RPF2: variants seen among roughly 807,000 people sequenced by gnomAD.
The protein encoded by RPF2 is ribosome production factor 2 homolog, also known as brix domain containing 1.
In RPF2, 21 loss-of-function variants were observed where a neutral mutation model predicts 38.9. The ratio of observed to expected loss-of-function variants is 0.54; its 90% CI spans 0.38 to 0.78. RPF2 has a LOEUF of 0.78. Among genes scored for constraint, RPF2 ranks in the 30% least tolerant of loss-of-function variants. RPF2 has a pLI of 0.00. For missense variants in RPF2, 314 were observed against 358.1 expected, an observed-to-expected ratio of 0.88 and a Z score of 0.99; for synonymous variants, 121 against 126.2, an observed-to-expected ratio of 0.96 and a Z score of 0.28.
chr6:111,018,896 A>G (rs1562376180), intron 8 of RPF2, among the ~76,000 whole-genome samples: 1 of 152,190 alleles, frequency 6.6e-6, no homozygotes, highest in African/African-American at 2.4e-5. Flanking sequence ...AGAACAAGAA[A>G]TAAAAGATGA....
intron 7 of RPF2, among the ~76,000 whole-genome samples, chr6:111,014,216 A>C (rs965554295): frequency 2.0e-5 from 3 of 151,024 alleles, no homozygotes; most frequent in Non-Finnish European, 4.4e-5. Flanking sequence ...GGCTCACTGC[A>C]ATCTCCGCCT....
At chr6:111,023,180 T>A (rs911025360) in intron 8 of RPF2, among the ~76,000 whole-genome samples, 1 of 152,266 alleles carries the variant, frequency 6.6e-6, no homozygotes, top group Non-Finnish European at 1.5e-5. Flanking sequence ...ACTACAGGCG[T>A]GAGCCACCAC....
intron 3 of RPF2, among the ~76,000 whole-genome samples, 178 bp downstream of exon 3, chr6:110,989,243 T>A (rs184334749): frequency 4.6e-5 from 7 of 152,312 alleles, no homozygotes; most frequent in African/African-American, 1.7e-4. Flanking sequence ...TGAATGTCCT[T>A]GCATAGTTGT....
chr6:110,984,016 G>A lies in RPF2; in HGVS notation c.24-990G>A, dbSNP rs528999223. The stretch of plus-strand genomic sequence containing the variant: ...TGCACTCCAGCCTGGGCGACAGAGC[G>A]AGACTCTGTCTCAAAAAAATAAATA... On this transcript the variant is annotated intron_variant, in intron 1 of 9. Transcript: ENST00000441448. 3.3e-5 allele frequency among the ~76,000 whole-genome samples: 5 copies of A among 152,186 alleles called. No homozygotes were observed. The South Asian group carries it at 8.3e-4, about 25-fold the overall frequency.
chr6:111,016,687 CTTTT>C (rs34370879), intron 8 of RPF2, among the ~76,000 whole-genome samples: 4 of 95,382 alleles, frequency 4.2e-5, no homozygotes, highest in South Asian at 6.7e-4. Flanking sequence ...TTTTTTCTTT[CTTTT>C]TTTTTTTTTT....
In RPF2 at chr6:111,024,445, G is replaced by A. The variant is rs1772287308; in HGVS notation, c.741+118G>A. ...AAGACAAGGACAGGCCAGGCGCGGT[G>A]GCTCACGCCTGTAATCCCAGCACTT... On this transcript the variant is annotated intron_variant, in intron 9 of 9. Transcript: ENST00000441448. 6.5e-6 allele frequency: 6 copies of A among 928,188 alleles called. No individual in the cohort carries two copies. In the South Asian group the frequency reaches 1.0e-4, roughly 15 times the overall value. 57.5% of individuals were successfully genotyped at this position (928,188 alleles called of 1,614,324 possible).
chr6:110,996,682 CAAATCAGG>C (rs1771716081), intron 4 of RPF2, among the ~76,000 whole-genome samples: 1 of 152,134 alleles, frequency 6.6e-6, no homozygotes, highest in Non-Finnish European at 1.5e-5. Context: ...CTAAGTACCC[CAAATCAGG>C]AAACTTGAAG....
chr6:111,018,096 G>A (rs575308194), intron 8 of RPF2, among the ~76,000 whole-genome samples: 227 of 151,902 alleles, frequency 1.5e-3, no homozygotes, highest in African/African-American at 5.1e-3. Context: ...GCCTGCAGTC[G>A]CAGGCACTCG....
At chr6:110,992,947 T>G (rs71562268) in intron 4 of RPF2, among the ~76,000 whole-genome samples, 1 of 152,172 alleles carries the variant, frequency 6.6e-6, no homozygotes, top group Non-Finnish European at 1.5e-5. Context: ...TTAATATGAT[T>G]ATGTTTTCTT....
chr6:111,015,644 G>T, intron 7 of RPF2, 110 bp from the exon 8 acceptor site: 1 of 702,066 alleles, frequency 1.4e-6, no homozygotes, highest in Non-Finnish European at 2.4e-6. Flanking sequence ...ATCATTTTTT[G>T]TGCTTTTTTA....
chr6:111,013,599 CCTAAAGTTTT>C (rs1481540184), intron 7 of RPF2, among the ~76,000 whole-genome samples: 1 of 151,972 alleles, frequency 6.6e-6, no homozygotes, highest in Non-Finnish European at 1.5e-5. Context: ...TTATTGTGTT[CCTAAAGTTTT>C]CTCCCAAAGC....
At chr6:111,021,444 G>A (rs762266446) in intron 8 of RPF2, among the ~76,000 whole-genome samples, 2 of 152,158 alleles carry the variant, frequency 1.3e-5, no homozygotes, top group Non-Finnish European at 2.9e-5. Flanking sequence ...CACTAAACAT[G>A]TGGATCAGCT....
Position 110,989,214 on chromosome 6 carries a change from C to T in RPF2, c.194+149C>T. On this transcript the variant is annotated intron_variant, in intron 3 of 9. Coordinates refer to ENST00000441448, the MANE Select transcript of RPF2 (RefSeq NM_032194.3). ...AATATTTTAATTTCTTTCTTTTGGTCTGTTTTTTTCATTTGTATTGAATGT... is the reference window on the plus strand; with the variant it reads ...AATATTTTAATTTCTTTCTTTTGGTTTGTTTTTTTCATTTGTATTGAATGT... 3.5e-6 allele frequency: 3 copies of T among 853,216 alleles called. No homozygotes were observed. In the South Asian group the frequency reaches 8.0e-5, roughly 23 times the overall value. The allele number at this position is 853,216 out of a possible 1,614,324, so 52.9% of individuals were successfully genotyped here. A position where few individuals can be genotyped will look rare whatever the true frequency, so the allele number is the denominator to read the frequency against.
chr6:110,984,858 ACAAAC>A, intron 1 of RPF2, 143 bp from the exon 2 acceptor site: 2 of 919,580 alleles, frequency 2.2e-6, no homozygotes, highest in African/African-American at 1.7e-5. Context: ...ACAAAAAAAA[ACAAAC>A]AAAAAAAAGA....
intron 6 of RPF2, among the ~76,000 whole-genome samples, chr6:111,005,854 C>T (rs1183422430): frequency 1.3e-5 from 2 of 152,146 alleles, no homozygotes; most frequent in African/African-American, 4.8e-5. Flanking sequence ...CTCTGTCGCC[C>T]AGGCTGGAGT....
chr6:111,011,906 G>A (rs2114336424), intron 7 of RPF2, among the ~76,000 whole-genome samples: 1 of 152,310 alleles, frequency 6.6e-6, no homozygotes, highest in South Asian at 2.1e-4. Context: ...GACAGAAGCA[G>A]AAAGGTAGAA....
chr6:111,020,099 T>C (rs1458490869), intron 8 of RPF2, among the ~76,000 whole-genome samples: 2 of 152,152 alleles, frequency 1.3e-5, no homozygotes, highest in African/African-American at 4.8e-5. Context: ...TTTGTATTTT[T>C]AGTAGAGACA....
chr6:110,983,844 A>G lies in RPF2; in HGVS notation c.24-1162A>G, dbSNP rs187462824. ...GGAGATCGAGACCATCCTGGCTAAC[A>G]CGGTGAAACCTCGTCTGTACTAAAA... On this transcript the variant is annotated intron_variant, in intron 1 of 9. Transcript: ENST00000441448. 4.9e-3 allele frequency among the ~76,000 whole-genome samples: 749 copies of G among 152,060 alleles called. 13 individuals carry two copies. The highest frequency in any genetic ancestry group is 0.043 in the East Asian group (222 of 5,142).
chr6:110,999,369 A>G (rs768721748), intron 5 of RPF2, among the ~76,000 whole-genome samples: 1 of 152,176 alleles, frequency 6.6e-6, no homozygotes, highest in Non-Finnish European at 1.5e-5. Context: ...TCTAATATCT[A>G]TTGAATAAAT....
Sources: allele counts gnomAD v4.1 joint callset (sites outside exome capture counted in the v4.1 genomes callset), GRCh38; gene constraint gnomAD v4.1.1; transcripts MANE v1.5; gene names NCBI Gene and HGNC (gene_info 2026-07-23, HGNC 2026-07-21).